YPEL5: variants seen among roughly 807,000 people sequenced by gnomAD.
The protein encoded by YPEL5 is protein yippee-like 5.
In YPEL5, 1 loss-of-function variant was observed where a neutral mutation model predicts 10.5. The observed-to-expected ratio is 0.10, with a 90% CI of 0.03 to 0.45. The LOEUF is 0.45. Ranked by LOEUF, YPEL5 falls within the 20% of genes least tolerant of loss-of-function variation. YPEL5 has a pLI of 0.97. For synonymous variants in YPEL5, 61 were observed against 56.6 expected (o/e 1.08, Z -0.35); for missense variants, 68 against 159.3 (o/e 0.43, Z 3.09).
chr2:30,153,895 A>G (rs961950745), intron 1 of YPEL5, among the ~76,000 whole-genome samples: 18 of 152,216 alleles, frequency 1.2e-4, no homozygotes, highest in Admixed American at 9.2e-4. Context: ...GAATCAGGGG[A>G]AAAAGGCATG....
chr2:30,159,021 C>T lies in YPEL5; in HGVS notation c.*178C>T. On this transcript the variant is annotated 3_prime_UTR_variant, in exon 3 of 3. Transcript: ENST00000261353. ...TCTTTTTTTTTAAATTTTGTATTTT[C>T]CATCCAACAGCAGTGTGTAGAGAGA... 1.5e-6 allele frequency: 1 copy of T among 652,666 alleles called. No homozygotes were observed. The highest frequency in any genetic ancestry group is 2.6e-6 in the Non-Finnish European group (1 of 387,882). 40.4% of individuals were successfully genotyped at this position (652,666 alleles called of 1,614,324 possible).
chr2:30,156,382 C>A (rs931861693), intron 1 of YPEL5: 13 of 370,882 alleles, frequency 3.5e-5, no homozygotes, highest in African/African-American at 1.4e-4. Flanking sequence ...TATTCTTTGG[C>A]CTTGGCTAAT....
chr2:30,149,445 T>G (rs913804917), intron 1 of YPEL5, among the ~76,000 whole-genome samples: 3 of 152,242 alleles, frequency 2.0e-5, no homozygotes, highest in African/African-American at 7.2e-5. Context: ...GCACAAAAAT[T>G]GGAAAGTTGA....
At chr2:30,148,223 T>C (rs1030990216) in intron 1 of YPEL5, 2 of 152,258 alleles carry the variant, frequency 1.3e-5, no homozygotes, top group African/African-American at 4.8e-5. Context: ...CTCATTTATT[T>C]TTAAACTTTT....
chr2:30,147,607 C>G (rs1027377058), intron 1 of YPEL5: 2 of 151,774 alleles, frequency 1.3e-5, no homozygotes, highest in Admixed American at 6.5e-5. Context: ...ACGGCGTGAA[C>G]CGTCCTGAGC....
chr2:30,148,717 A>T (rs910205956), intron 1 of YPEL5, among the ~76,000 whole-genome samples: 2 of 152,320 alleles, frequency 1.3e-5, no homozygotes, highest in East Asian at 1.9e-4. Flanking sequence ...TCTCTAGACT[A>T]ATTTCCCTTT....
chr2:30,156,410 T>C, intron 1 of YPEL5: 1 of 447,948 alleles, frequency 2.2e-6, no homozygotes, highest in Non-Finnish European at 4.0e-6. Context: ...CTTCCTTGGC[T>C]CACTGCTTTA....
intron 1 of YPEL5, among the ~76,000 whole-genome samples, chr2:30,153,976 A>C (rs138063427): frequency 1.3e-5 from 2 of 152,366 alleles, no homozygotes; most frequent in East Asian, 3.9e-4. Context: ...ATGTAGGCAG[A>C]AGGCATAGGG....
Position 30,158,616 on chromosome 2 carries a change from T to A in YPEL5, c.142-3T>A, listed in dbSNP as rs577378642. ...AATTTTGATTTTCCTTGTCCCTTGT[T>A]AGGTAGTTAACCTGCAGTACAGTGA... is the stretch of plus-strand genomic sequence containing the variant. On this transcript the variant is annotated splice_polypyrimidine_tract_variant and splice_region_variant and intron_variant, in intron 2 of 2. Coordinates refer to ENST00000261353, the MANE Select transcript of YPEL5 (RefSeq NM_016061.3). The A allele has an allele frequency of 1.2e-6, 2 of 1,612,946 alleles. No homozygotes were observed. The highest frequency in any genetic ancestry group is 1.3e-5 in the African/African-American group (1 of 75,046).
chr2:30,147,620 G>A (rs1675511814), intron 1 of YPEL5: 1 of 151,984 alleles, frequency 6.6e-6, no homozygotes, highest in East Asian at 1.9e-4. Context: ...TCCTGAGCAG[G>A]GCCCACGCCC....
chr2:30,155,198 C>T (rs570619289), intron 1 of YPEL5, among the ~76,000 whole-genome samples: 2 of 152,272 alleles, frequency 1.3e-5, no homozygotes, highest in South Asian at 4.1e-4. Flanking sequence ...CATTGTGATG[C>T]TTGTTAATAT....
intron 1 of YPEL5, chr2:30,147,671 C>T (rs1258833437): frequency 6.6e-6 from 1 of 152,560 alleles, no homozygotes; most frequent in Non-Finnish European, 1.5e-5. Flanking sequence ...CGGTGTCTCC[C>T]TTTGCCCCCT....
At chr2:30,149,731 C>T (rs1675694851) in intron 1 of YPEL5, among the ~76,000 whole-genome samples, 1 of 152,234 alleles carries the variant, frequency 6.6e-6, no homozygotes, top group Admixed American at 6.5e-5. Context: ...TTAACCCTTT[C>T]TGCGCTAGAT....
At chr2:30,147,368 C>T (rs1313472592) in intron 1 of YPEL5, 1 of 148,518 alleles carries the variant, frequency 6.7e-6, no homozygotes, top group South Asian at 2.1e-4. Flanking sequence ...CAGCCGCAAC[C>T]CCTCCGCGCG....
chr2:30,156,100 A>G (rs1379786863), intron 1 of YPEL5, among the ~76,000 whole-genome samples: 1 of 152,192 alleles, frequency 6.6e-6, no homozygotes, highest in Non-Finnish European at 1.5e-5. Flanking sequence ...CATCACCTCT[A>G]TAGTTGTAGA....
Position 30,158,601 on chromosome 2 carries a change from T to C in YPEL5, c.142-18T>C. 6.2e-7 allele frequency: 1 copy of C among 1,610,000 alleles called. No individual in the cohort carries two copies. Among genetic ancestry groups the C allele is most frequent in the Non-Finnish European group, 8.5e-7 (1 of 1,177,728 alleles). Reference sequence around the variant, plus strand: ...ACTAACATGCCTTGCAATTTTGATTTTCCTTGTCCCTTGTTAGGTAGTTAA... The same window carrying C: ...ACTAACATGCCTTGCAATTTTGATTCTCCTTGTCCCTTGTTAGGTAGTTAA... On this transcript the variant is annotated intron_variant, in intron 2 of 2. Transcript: ENST00000261353.
intron 1 of YPEL5, chr2:30,147,696 T>G (rs1572743885): frequency 6.8e-6 from 1 of 146,474 alleles, no homozygotes; most frequent in African/African-American, 2.5e-5. Context: ...CCCATGAACG[T>G]CCGCCTCCCC....
At chr2:30,155,734 A>C (rs944580315) in intron 1 of YPEL5, 1 of 152,200 alleles carries the variant, frequency 6.6e-6, no homozygotes, top group African/African-American at 2.4e-5. Context: ...TCAAACTTAC[A>C]TCTTTTCAGT....
At chr2:30,149,463 G>T (rs987362932) in intron 1 of YPEL5, among the ~76,000 whole-genome samples, 1 of 152,292 alleles carries the variant, frequency 6.6e-6, no homozygotes, top group Middle Eastern at 3.4e-3. Flanking sequence ...TGATTGTATG[G>T]ATCAAACTGT....
Sources: gnomAD v4.1 joint callset for allele counts (sites outside exome capture counted in the v4.1 genomes callset) on GRCh38, gnomAD v4.1.1 for gene constraint, MANE v1.5 for transcripts, NCBI Gene and HGNC (gene_info 2026-07-23, HGNC 2026-07-21) for gene names.